Variants in SLC44A2 observed in about 807,000 individuals in gnomAD.
The protein encoded by SLC44A2 is choline transporter-like protein 2.
SLC44A2 carries 57 observed loss-of-function variants against 90.8 expected under a neutral mutation model. The ratio of observed to expected loss-of-function variants is 0.63; its 90% CI spans 0.51 to 0.78. The LOEUF is 0.78. Among genes scored for constraint, SLC44A2 ranks in the 30% least tolerant of loss-of-function variants. The pLI is 0.00. For synonymous variants in SLC44A2, 355 were observed against 360.7 expected (o/e 0.98, Z 0.18); for missense variants, 794 against 919.7 (o/e 0.86, Z 1.77).
At chr19:10,638,198 C>T (rs201404070) in intron 19 of SLC44A2, 29 bp from the exon 20 acceptor site, 16 of 1,613,380 alleles carry the variant, frequency 9.9e-6, no homozygotes, top group African/African-American at 5.3e-5. Flanking sequence ...CAGAACCCTT[C>T]GCCATCTTGC....
chr19:10,606,145 A>G (rs1414471695), intron 1 of SLC44A2, among the ~76,000 whole-genome samples: 2 of 151,768 alleles, frequency 1.3e-5, no homozygotes, highest in East Asian at 3.9e-4. Flanking sequence ...AAAAAAATTT[A>G]AAAATTAACT....
At chr19:10,634,648 C>G in intron 10 of SLC44A2, 108 bp from the exon 11 acceptor site, 3 of 1,534,592 alleles carry the variant, frequency 2.0e-6, no homozygotes, top group Non-Finnish European at 2.7e-6. Context: ...TGTAAAGTCC[C>G]TGAGGCAGAA....
In SLC44A2 at chr19:10,643,276, C is replaced by T. The variant is rs538445413; in HGVS notation, c.2015-3C>T. On this transcript the variant is annotated splice_polypyrimidine_tract_variant and splice_region_variant and intron_variant, in intron 21 of 21. Coordinates refer to ENST00000335757, the MANE Select transcript of SLC44A2 (RefSeq NM_020428.4). ...CCTCCTGCTCTGGGACCTCTCTCCA[C>T]AGTGGAGGACCTGGAGAGGAATGAC... 6.8e-6 allele frequency: 11 copies of T among 1,609,326 alleles called. No homozygotes were observed. In the African/African-American group the frequency reaches 1.1e-4, roughly 16 times the overall value.
At chr19:10,604,821 C>T (rs369486489) in intron 1 of SLC44A2, among the ~76,000 whole-genome samples, 1 of 152,068 alleles carries the variant, frequency 6.6e-6, no homozygotes, top group South Asian at 2.1e-4. Context: ...AGAGAAGCAA[C>T]CCAAGGCATT....
Position 10,633,537 on chromosome 19 carries a change from C to T in SLC44A2, c.824-1219C>T, listed in dbSNP as rs540849462. Among the ~76,000 whole-genome samples, 4 of 152,254 alleles carry T rather than the reference C, an allele frequency of 2.6e-5. No individual in the cohort carries two copies. The South Asian group carries it at 8.3e-4, about 32-fold the overall frequency. The stretch of plus-strand genomic sequence containing the variant: ...GTGGCACAATCACAGCTCACTGCAG[C>T]CTTGACCTCCTGGGCTCAAGTGATC... On this transcript the variant is annotated intron_variant, in intron 10 of 21. Coordinates refer to ENST00000335757, the MANE Select transcript of SLC44A2 (RefSeq NM_020428.4).
Position 10,638,230 on chromosome 19 carries a change from T to A in SLC44A2, c.1844T>A (p.Ile615Asn). 1 of 1,614,148 alleles carries A rather than the reference T, an allele frequency of 6.2e-7. No individual in the cohort carries two copies. Among genetic ancestry groups the A allele is most frequent in the Non-Finnish European group, 8.5e-7 (1 of 1,180,034 alleles). The change falls in exon 20 of 22, where the codon ATC becomes AAC. Residue 615 changes from isoleucine (I) to asparagine (N), a missense_variant. Coordinates refer to ENST00000335757, the MANE Select transcript of SLC44A2 (RefSeq NM_020428.4). ...GKLLIVGSVG[I>N]LAFFFFTHRI... ...TTGCTTTCTTCTCCTTCTCCAGGGA[T>A]CCTGGCTTTCTTCTTCTTCACCCAC...
At chr19:10,609,339 G>A (rs1217188380) in intron 1 of SLC44A2, among the ~76,000 whole-genome samples, 3 of 151,384 alleles carry the variant, frequency 2.0e-5, no homozygotes, top group African/African-American at 4.9e-5. Context: ...TTGCTCTGTC[G>A]CCCAGGCTGG....
chr19:10,642,621 T>C (rs1051114291), intron 21 of SLC44A2, among the ~76,000 whole-genome samples, 170 bp downstream of exon 21: 1 of 152,004 alleles, frequency 6.6e-6, no homozygotes, highest in Non-Finnish European at 1.5e-5. Context: ...CTTTTGCGCT[T>C]AGAAGCAGCT....
intron 4 of SLC44A2, among the ~76,000 whole-genome samples, chr19:10,629,426 T>C (rs2066970128): frequency 6.7e-6 from 1 of 150,186 alleles, no homozygotes; most frequent in Admixed American, 6.6e-5. Context: ...TACAGGCATA[T>C]GCCACCATGC....
At chr19:10,611,284 T>A (rs540436028) in intron 1 of SLC44A2, among the ~76,000 whole-genome samples, 118 of 152,130 alleles carry the variant, frequency 7.8e-4, no homozygotes, top group Admixed American at 7.7e-3. Flanking sequence ...AAACCCCATC[T>A]CTGCTAACAC....
At position 10,631,632 on chromosome 19, in the gene SLC44A2, G is replaced by A. The variant is rs377075783; in HGVS notation, c.509G>A (p.Arg170Gln). The stretch of plus-strand genomic sequence containing the variant: ...CATCCTCTGCTCCATGCAGTGGCCC[G>A]GAGATGCTTCCCCGCTATCCACGCC... The part of the protein sequence containing the change: ...AVLIPSKPLA[R>Q]RCFPAIHAYK... Residue 170 changes from arginine to glutamine, a missense_variant, in exon 8 of 22, where the codon CGG becomes CAG. Arg to Gln is a conservative substitution (Grantham distance 43, BLOSUM62 1). Transcript: ENST00000335757. 1.9e-5 allele frequency: 30 copies of A among 1,613,632 alleles called. No individual in the cohort carries two copies. The highest frequency in any genetic ancestry group is 4.4e-5 in the South Asian group (4 of 91,082).
intron 10 of SLC44A2, among the ~76,000 whole-genome samples, chr19:10,633,435 C>T (rs1204029733): frequency 1.3e-5 from 2 of 151,816 alleles, no homozygotes; most frequent in East Asian, 1.9e-4. Flanking sequence ...GCTGGGATTA[C>T]AGACGTGAGC....
rs1273659650 is a variant in SLC44A2, at chr19:10,638,088, G to A, written c.1835G>A (p.Ser612Asn). Reference sequence around the variant, plus strand: ...TTGGGCAAACTTCTGATCGTTGGTAGTGTGGGTGAGTGCCGCCCACCTAGC... The same window carrying A: ...TTGGGCAAACTTCTGATCGTTGGTAATGTGGGTGAGTGCCGCCCACCTAGC... ...FLLGKLLIVG[S>N]VGILAFFFFT... is the part of the protein sequence containing the mutation. Residue 612 changes from serine (S) to asparagine (N), a missense_variant, in exon 19 of 22, where the codon AGT (serine) becomes AAT (asparagine). Physicochemically the swap from Ser to Asn is conservative, Grantham distance 46. Coordinates refer to ENST00000335757, the MANE Select transcript of SLC44A2 (RefSeq NM_020428.4). 1 of 1,613,708 alleles carries A rather than the reference G, an allele frequency of 6.2e-7. No individual in the cohort carries two copies. Among genetic ancestry groups the A allele is most frequent in the African/African-American group, 1.3e-5 (1 of 74,774 alleles).
At chr19:10,614,403 C>T (rs2066838371) in intron 1 of SLC44A2, among the ~76,000 whole-genome samples, 1 of 151,992 alleles carries the variant, frequency 6.6e-6, no homozygotes, top group Non-Finnish European at 1.5e-5. Flanking sequence ...CTGTGTATGC[C>T]TTAAGTTTTT....
At chr19:10,625,726 G>C in intron 1 of SLC44A2, 56 bp downstream of exon 1, 1 of 1,225,120 alleles carries the variant, frequency 8.2e-7, no homozygotes, top group Non-Finnish European at 1.0e-6. Flanking sequence ...CCTCGGAGGG[G>C]GCCTTGAGAG....
At chr19:10,608,905 C>G (rs1364892328) in intron 1 of SLC44A2, among the ~76,000 whole-genome samples, 1 of 151,304 alleles carries the variant, frequency 6.6e-6, no homozygotes, top group Non-Finnish European at 1.5e-5. Flanking sequence ...CGTGCTTCAG[C>G]CTGCCAGAGT....
At chr19:10,616,191 A>G (rs564221800) in intron 1 of SLC44A2, among the ~76,000 whole-genome samples, 1 of 151,738 alleles carries the variant, frequency 6.6e-6, no homozygotes, top group Non-Finnish European at 1.5e-5. Flanking sequence ...ACATTTTATT[A>G]TTATGTTTAT....
Position 10,633,973 on chromosome 19 carries a change from AT to A in SLC44A2, c.824-768del, listed in dbSNP as rs1406434263. Among the ~76,000 whole-genome samples the A allele has an allele frequency of 3.9e-4, 42 of 107,912 alleles. No homozygotes were observed. In the Middle Eastern group the frequency reaches 0.015, roughly 39 times the overall value. The allele number at this position is 107,912 out of a possible 152,430, so 70.8% of individuals were successfully genotyped here. A position where few individuals can be genotyped will look rare whatever the true frequency, so the allele number is the denominator to read the frequency against. On this transcript the variant is annotated intron_variant, in intron 10 of 21. Coordinates refer to ENST00000335757, the MANE Select transcript of SLC44A2 (RefSeq NM_020428.4). ...ACCAACATGTAGAAACCCCATCTCT[AT>A]TTTTTTTTTTTTTTGAGACAGAGTC... is the stretch of plus-strand genomic sequence containing the variant.
chr19:10,616,350 G>A (rs1035894444), intron 1 of SLC44A2, among the ~76,000 whole-genome samples: 1 of 151,840 alleles, frequency 6.6e-6, no homozygotes, highest in African/African-American at 2.4e-5. Context: ...CTCACCTCAG[G>A]CTCGCAAGTA....
Sources: allele counts gnomAD v4.1 joint callset (sites outside exome capture counted in the v4.1 genomes callset), GRCh38; gene constraint gnomAD v4.1.1; transcripts MANE v1.5; gene names NCBI Gene and HGNC (gene_info 2026-07-23, HGNC 2026-07-21).